LOXL2: variants seen among roughly 807,000 people sequenced by gnomAD.
LOXL2 encodes the protein lysyl oxidase like 2.
A neutral mutation model predicts 93.0 loss-of-function variants in LOXL2; 70 were observed. That is an observed-to-expected ratio of 0.75 (90% confidence interval 0.62 to 0.92). The LOEUF (loss-of-function observed/expected upper bound fraction) is 0.92. Among genes scored for constraint, LOXL2 ranks in the 40% least tolerant of loss-of-function variants. The probability of loss-of-function intolerance (pLI) is 0.00; values close to 1 mark genes in which losing one functional copy is unlikely to be tolerated. For missense variants in LOXL2, 973 were observed against 1,054.9 expected (o/e 0.92, Z 1.08); for synonymous variants, 438 against 413.2 (o/e 1.06, Z -0.73).
In LOXL2 at chr8:23,302,067, A is replaced by G. The variant is rs761853382; in HGVS notation, c.2093T>C (p.Val698Ala). 5.6e-6 allele frequency: 9 copies of G among 1,613,976 alleles called. No homozygotes were observed. In the Admixed American group the frequency reaches 1.5e-4, roughly 27 times the overall value. ...MYRHDIDCQW[V>A]DITDVPPGDY... ...TCCAGGGGGCACGTCAGTGATGTCA[A>G]CCCACTGGCAGTCGATGTCATGGCG... Residue 698 changes from valine (V) to alanine (A), a missense_variant, in exon 12 of 14, where the codon GTT becomes GCT. Coordinates refer to ENST00000389131, the MANE Select transcript of LOXL2 (RefSeq NM_002318.3).
At chr8:23,298,741 G>A (rs1407966269) in intron 13 of LOXL2, 95 bp downstream of exon 13, 5 of 738,710 alleles carry the variant, frequency 6.8e-6, no homozygotes, top group Admixed American at 5.8e-5. Context: ...TGCATTCCCC[G>A]AGCTCTTTAC....
chr8:23,327,552 G>A (rs1803600028), intron 6 of LOXL2, among the ~76,000 whole-genome samples: 2 of 152,078 alleles, frequency 1.3e-5, no homozygotes, highest in Admixed American at 1.3e-4. Flanking sequence ...CGGCCTCCCT[G>A]CTGGTCAAGG....
chr8:23,348,224 G>A (rs1439778268), intron 3 of LOXL2, among the ~76,000 whole-genome samples: 1 of 145,952 alleles, frequency 6.9e-6, no homozygotes, highest in Non-Finnish European at 1.5e-5. Flanking sequence ...GTTGGACACA[G>A]GGAGGGGAAC....
intron 10 of LOXL2, among the ~76,000 whole-genome samples, chr8:23,304,990 C>T (rs979506291): frequency 5.9e-5 from 9 of 152,320 alleles, no homozygotes; most frequent in South Asian, 2.1e-4. Context: ...GGGCTTCCCT[C>T]GGTCACTCAT....
intron 1 of LOXL2, among the ~76,000 whole-genome samples, chr8:23,387,947 C>T (rs550112366): frequency 7.1e-4 from 108 of 152,268 alleles, no homozygotes; most frequent in Non-Finnish European, 1.0e-3. Context: ...GAGACTCTGT[C>T]TCAAACAAAC....
intron 9 of LOXL2, among the ~76,000 whole-genome samples, chr8:23,314,300 C>T (rs1803359793): frequency 1.4e-5 from 2 of 141,652 alleles, no homozygotes; most frequent in Non-Finnish European, 3.1e-5. Context: ...TGGGTATATA[C>T]CCAAAGGACT....
chr8:23,401,277 G>C lies in LOXL2; in HGVS notation c.-84+2677C>G, dbSNP rs542803394. Among the ~76,000 whole-genome samples the C allele has an allele frequency of 2.4e-4, 37 of 152,312 alleles. 1 individual carries two copies. Among genetic ancestry groups the C allele is most frequent in the Admixed American group, 2.0e-3 (31 of 15,306 alleles). On this transcript the variant is annotated intron_variant, in intron 1 of 13. Transcript: ENST00000389131. ...AAAGGAAGAACATAACAATAGGAAT[G>C]TAACAAGTTACACAAATCAACAGAA...
intron 1 of LOXL2, among the ~76,000 whole-genome samples, chr8:23,376,736 T>C (rs188913921): frequency 2.8e-3 from 428 of 152,358 alleles, no homozygotes; most frequent in Middle Eastern, 6.8e-3. Context: ...TAGAGGTGTT[T>C]ATAGTATTCT....
intron 8 of LOXL2, among the ~76,000 whole-genome samples, chr8:23,318,952 A>G (rs966706671): frequency 6.6e-6 from 1 of 152,216 alleles, no homozygotes; most frequent in Non-Finnish European, 1.5e-5. Context: ...GGAGACAGTC[A>G]GGCTCAGTAA....
intron 3 of LOXL2, among the ~76,000 whole-genome samples, chr8:23,359,872 T>G (rs959537962): frequency 5.3e-5 from 8 of 152,328 alleles, no homozygotes; most frequent in Non-Finnish European, 1.2e-4. Flanking sequence ...TCTGTGCCTC[T>G]GCCCATGCTG....
chr8:23,386,465 T>A (rs1467195860), intron 1 of LOXL2, among the ~76,000 whole-genome samples: 1 of 152,186 alleles, frequency 6.6e-6, no homozygotes, highest in Non-Finnish European at 1.5e-5. Flanking sequence ...AACAAATATG[T>A]AAGTTCTCCA....
At chr8:23,348,876 C>CA (rs5890101) in intron 3 of LOXL2, among the ~76,000 whole-genome samples, 43,633 of 151,200 alleles carry the variant, frequency 0.29, 8,116 homozygotes, top group African/African-American at 0.53. Context: ...GACTCCGTCT[C>CA]AAAAAAAACA....
At chr8:23,391,234 C>G (rs1334048894) in intron 1 of LOXL2, among the ~76,000 whole-genome samples, 3 of 152,140 alleles carry the variant, frequency 2.0e-5, no homozygotes, top group Non-Finnish European at 4.4e-5. Flanking sequence ...TCCCTACAAC[C>G]TTAACAAACA....
Position 23,301,204 on chromosome 8 carries a change from G to A in LOXL2, c.2133+823C>T, listed in dbSNP as rs963399368. Among the ~76,000 whole-genome samples, 6 of 152,228 alleles carry A rather than the reference G, an allele frequency of 3.9e-5. No individual in the cohort carries two copies. The South Asian group carries it at 8.3e-4, about 21-fold the overall frequency. On this transcript the variant is annotated intron_variant, in intron 12 of 13. Transcript: ENST00000389131. The stretch of plus-strand genomic sequence containing the variant: ...TAGCCAACAGGGCAAGCTGGAAAAC[G>A]AGATGGGTGAGGACGTAGGAGAGAG...
intron 5 of LOXL2, 187 bp from the exon 6 acceptor site, chr8:23,328,752 G>A: frequency 2.2e-6 from 1 of 455,818 alleles, no homozygotes; most frequent in South Asian, 2.4e-5. Flanking sequence ...TGTGTCGTGG[G>A]TGTGTTGGGG....
At chr8:23,332,561 TAC>T (rs752238417) in intron 5 of LOXL2, among the ~76,000 whole-genome samples, 11 of 52,296 alleles carry the variant, frequency 2.1e-4, no homozygotes, top group Admixed American at 8.6e-4. Flanking sequence ...CCCACACTCA[TAC>T]ACACACACCC....
At chr8:23,373,851 C>T (rs775222050) in intron 1 of LOXL2, among the ~76,000 whole-genome samples, 3 of 152,006 alleles carry the variant, frequency 2.0e-5, no homozygotes, top group African/African-American at 7.3e-5. Context: ...TGTCTCTCTC[C>T]CTCCCCTGAC....
At chr8:23,361,295 A>G (rs755150084) in intron 2 of LOXL2, among the ~76,000 whole-genome samples, 26 of 151,986 alleles carry the variant, frequency 1.7e-4, no homozygotes, top group Non-Finnish European at 3.7e-4. Context: ...CACCCCTTGA[A>G]CCCAGAAGCC....
chr8:23,301,103 A>C (rs1803123347), intron 12 of LOXL2, among the ~76,000 whole-genome samples: 1 of 152,236 alleles, frequency 6.6e-6, no homozygotes, highest in South Asian at 2.1e-4. Context: ...ACCGTGGGCC[A>C]GGCCCTGGGC....
Sources: allele counts gnomAD v4.1 joint callset (sites outside exome capture counted in the v4.1 genomes callset), GRCh38; gene constraint gnomAD v4.1.1; transcripts MANE v1.5; gene names NCBI Gene and HGNC (gene_info 2026-07-23, HGNC 2026-07-21).